Variants in UBE2D3 observed in about 807,000 individuals in gnomAD.
UBE2D3 encodes the protein ubiquitin conjugating enzyme E2 D3.
Under a neutral mutation model 22.8 loss-of-function variants are expected in UBE2D3, and 2 were observed. The observed-to-expected ratio is 0.09, with a 90% CI of 0.04 to 0.28. The LOEUF (loss-of-function observed/expected upper bound fraction) is 0.28, where lower values mean the gene tolerates loss of function less well. Among genes scored for constraint, UBE2D3 ranks in the 10% least tolerant of loss-of-function variants. The pLI, the probability that UBE2D3 is intolerant of heterozygous loss-of-function variation, is 1.00. For missense variants in UBE2D3, 27 were observed against 182.5 expected (o/e 0.15, Z 4.91); for synonymous variants, 56 against 60.4 (o/e 0.93, Z 0.34).
intron 1 of UBE2D3, among the ~76,000 whole-genome samples, chr4:102,846,060 T>C (rs1732026754): frequency 6.6e-6 from 1 of 152,152 alleles, no homozygotes; most frequent in African/African-American, 2.4e-5. Context: ...CAAAGTGCTG[T>C]GATTACAGAC....
chr4:102,826,849 A>G, intron 1 of UBE2D3: 1 of 1,143,842 alleles, frequency 8.7e-7, no homozygotes, highest in East Asian at 5.5e-5. Context: ...CGGCCTCTAG[A>G]AAGGAAGAGA....
rs1451050623 is a variant in UBE2D3 at position 102,797,304 on chromosome 4, A to T, written c.*111T>A. The T allele has an allele frequency of 5.6e-6, 5 of 894,548 alleles. No individual in the cohort carries two copies. The African/African-American group carries it at 6.8e-5, about 12-fold the overall frequency. The allele number at this position is 894,548 out of a possible 1,614,324, so 55.4% of individuals were successfully genotyped here. A position where few individuals can be genotyped will look rare whatever the true frequency, so the allele number is the denominator to read the frequency against. ...AGGGAGGTAAACAAAAAATAAAATTAAAAAAGATGAGGTCTGATAGGGGAG... is the reference window on the plus strand; with the variant it reads ...AGGGAGGTAAACAAAAAATAAAATTTAAAAAGATGAGGTCTGATAGGGGAG... On this transcript the variant is annotated 3_prime_UTR_variant, in exon 8 of 8. Transcript: ENST00000453744.
chr4:102,815,681 A>G (rs56095122), intron 2 of UBE2D3, among the ~76,000 whole-genome samples: 1,889 of 152,300 alleles, frequency 0.012, 23 homozygotes, highest in Middle Eastern at 0.02. Flanking sequence ...TCACTCCTGT[A>G]ATTTCAGGTT....
At chr4:102,842,740 C>T (rs1578287533) in intron 1 of UBE2D3, among the ~76,000 whole-genome samples, 1 of 152,052 alleles carries the variant, frequency 6.6e-6, no homozygotes, top group African/African-American at 2.4e-5. Flanking sequence ...ATGTGGCAGG[C>T]GTCTTTAGAT....
intron 1 of UBE2D3, among the ~76,000 whole-genome samples, chr4:102,864,636 CTAAT>C (rs1733063693): frequency 1.3e-5 from 2 of 152,196 alleles, no homozygotes; most frequent in African/African-American, 2.4e-5. Context: ...AACTGAGGCC[CTAAT>C]TAATTTTCAG....
chr4:102,822,407 C>A (rs1729759632), intron 2 of UBE2D3, among the ~76,000 whole-genome samples: 1 of 152,192 alleles, frequency 6.6e-6, no homozygotes, highest in Non-Finnish European at 1.5e-5. Flanking sequence ...ATTTTGTTCA[C>A]TCTAAGACAT....
chr4:102,833,224 T>C lies in UBE2D3; in HGVS notation c.-128-6588A>G, dbSNP rs75816701. Among the ~76,000 whole-genome samples the C allele has an allele frequency of 4.0e-3, 610 of 152,250 alleles. 1 individual carries two copies. Among genetic ancestry groups the C allele is most frequent in the South Asian group, 0.02 (98 of 4,826 alleles). ...GCCACAATTTCATTTCTTTTAAATT[T>C]GGCCATGTCTGTACTAACTGCTGTG... On this transcript the variant is annotated intron_variant, in intron 1 of 7. Transcript: ENST00000338145.
At chr4:102,849,831 G>A (rs1454727971) in intron 1 of UBE2D3, among the ~76,000 whole-genome samples, 1 of 152,236 alleles carries the variant, frequency 6.6e-6, no homozygotes, top group Non-Finnish European at 1.5e-5. Context: ...TTGTGGAGCA[G>A]TGACAGGGGA....
chr4:102,847,059 G>A (rs1202646802), intron 1 of UBE2D3, among the ~76,000 whole-genome samples: 1 of 152,170 alleles, frequency 6.6e-6, no homozygotes, highest in African/African-American at 2.4e-5. Context: ...AGATTTAGGG[G>A]AAGATTGATG....
At chr4:102,800,891 G>C (rs1186042767) in intron 6 of UBE2D3, among the ~76,000 whole-genome samples, 4 of 152,002 alleles carry the variant, frequency 2.6e-5, no homozygotes, top group Admixed American at 6.6e-5. Context: ...CGGAAAACTT[G>C]TTACATATAA....
intron 5 of UBE2D3, chr4:102,802,049 C>T (rs1158558152): frequency 6.5e-6 from 1 of 154,688 alleles, no homozygotes; most frequent in Non-Finnish European, 1.4e-5. Flanking sequence ...TGTTTATGAC[C>T]TTTGTATATT....
chr4:102,817,746 G>A (rs941360412), intron 2 of UBE2D3, among the ~76,000 whole-genome samples: 20 of 152,202 alleles, frequency 1.3e-4, no homozygotes, highest in South Asian at 6.2e-4. Context: ...TTATTCGTAC[G>A]TAGTGTGAAT....
chr4:102,825,831 A>C, intron 2 of UBE2D3: 1 of 452,368 alleles, frequency 2.2e-6, no homozygotes, highest in South Asian at 1.6e-5. Context: ...TGTCCCTCGG[A>C]TAAATAGCTT....
intron 6 of UBE2D3, 94 bp from the exon 7 acceptor site, chr4:102,799,594 G>C (rs1725800450): frequency 4.7e-6 from 4 of 852,864 alleles, no homozygotes; most frequent in Non-Finnish European, 7.3e-6. Flanking sequence ...ATCCTCAAAA[G>C]ACTTTTATTA....
intron 1 of UBE2D3, among the ~76,000 whole-genome samples, chr4:102,853,827 A>G (rs763920007): frequency 3.9e-5 from 6 of 152,180 alleles, no homozygotes; most frequent in Middle Eastern, 3.2e-3. Context: ...AGTGAATTCA[A>G]TTTCGCCTAC....
chr4:102,853,112 C>A (rs1158042235), intron 1 of UBE2D3, among the ~76,000 whole-genome samples: 3 of 141,152 alleles, frequency 2.1e-5, no homozygotes, highest in African/African-American at 2.6e-5. Context: ...CAATATCTGT[C>A]AAAATTACAC....
At chr4:102,801,683 T>C (rs141205716) in intron 5 of UBE2D3, 124 bp from the exon 6 acceptor site, 7 of 762,554 alleles carry the variant, frequency 9.2e-6, no homozygotes, top group African/African-American at 1.8e-5. Context: ...CTAAATATTA[T>C]AGAAACTGAT....
At position 102,823,472 on chromosome 4, in the gene UBE2D3, A is replaced by G. The variant is rs943050772; in HGVS notation, c.24+3013T>C. On this transcript the variant is annotated intron_variant, in intron 2 of 7. Coordinates refer to ENST00000453744, the MANE Select transcript of UBE2D3 (RefSeq NM_181891.3). The stretch of plus-strand genomic sequence containing the variant: ...TTGCTTATAATCATATATAAACACT[A>G]AAGTCATACTTCCAGAAATAAAAAC... 3.3e-5 allele frequency among the ~76,000 whole-genome samples: 5 copies of G among 152,246 alleles called. No individual in the cohort carries two copies. The South Asian group carries it at 6.2e-4, about 19-fold the overall frequency.
At chr4:102,825,920 G>GA in intron 2 of UBE2D3, 1 of 382,820 alleles carries the variant, frequency 2.6e-6, no homozygotes, top group South Asian at 1.9e-5. Context: ...CCACTTATTC[G>GA]GTGTAACCTG....
Sources: allele counts gnomAD v4.1 joint callset (sites outside exome capture counted in the v4.1 genomes callset), GRCh38; gene constraint gnomAD v4.1.1; transcripts MANE v1.5; gene names NCBI Gene and HGNC (gene_info 2026-07-23, HGNC 2026-07-21).